Variants in ADIPOR2 observed in about 807,000 individuals in gnomAD.
ADIPOR2 encodes adiponectin receptor 2, also known as adiponectin receptor protein 2.
ADIPOR2 carries 18 observed loss-of-function variants against 40.9 expected under a neutral mutation model. The ratio of observed to expected loss-of-function variants is 0.44; its 90% confidence interval spans 0.30 to 0.65. The LOEUF (loss-of-function observed/expected upper bound fraction) is 0.65. Ranked by LOEUF, ADIPOR2 falls within the 30% of genes least tolerant of loss-of-function variation. The pLI, the probability that ADIPOR2 is intolerant of heterozygous loss-of-function variation, is 0.09. For synonymous variants in ADIPOR2, 165 were observed against 166.4 expected (o/e 0.99, Z 0.06); for missense variants, 283 against 479.2 (o/e 0.59, Z 3.82).
At chr12:1,785,068 C>G (rs181202176) in intron 7 of ADIPOR2, among the ~76,000 whole-genome samples, 1 of 152,202 alleles carries the variant, frequency 6.6e-6, no homozygotes, top group Admixed American at 6.5e-5. Context: ...AAATTAATCC[C>G]CTTTGGTTTC....
At chr12:1,713,225 C>T (rs1205371330) in intron 1 of ADIPOR2, among the ~76,000 whole-genome samples, 1 of 152,080 alleles carries the variant, frequency 6.6e-6, no homozygotes, top group Non-Finnish European at 1.5e-5. Flanking sequence ...AGGTCCAGAA[C>T]TGTGAACGAT....
At chr12:1,754,781 G>A (rs528442552) in intron 2 of ADIPOR2, among the ~76,000 whole-genome samples, 1 of 151,876 alleles carries the variant, frequency 6.6e-6, no homozygotes, top group African/African-American at 2.4e-5. Context: ...TCACCCAGGC[G>A]GAGTGCAGTA....
In ADIPOR2 at chr12:1,754,426, A is replaced by T; in HGVS notation, c.83A>T (p.Asp28Val). Residue 28 changes from aspartate to valine, a missense_variant, in exon 2 of 8, where the codon GAT becomes GTT. Physicochemically the swap from Asp to Val is radical, Grantham distance 152 (BLOSUM62 -3). Around this residue, in one of 3 missense-constraint regions of ADIPOR2, gnomAD observed 65 missense variants for 79.9 expected, o/e 0.81. Coordinates refer to ENST00000357103, the MANE Select transcript of ADIPOR2 (RefSeq NM_024551.3). ...AGGCTCAGAAAAGGGCACCAACTGG[A>T]TGGTACACGAAGAGGTGATAATGAC... is the stretch of plus-strand genomic sequence containing the variant. ...DIRLRKGHQL[D>V]GTRRGDNDSH... 3.1e-6 allele frequency: 5 copies of T among 1,613,734 alleles called. No homozygotes were observed. Among genetic ancestry groups the T allele is most frequent in the Admixed American group, 1.7e-5 (1 of 59,966 alleles).
chr12:1,766,683 A>G (rs1381112777), intron 2 of ADIPOR2, among the ~76,000 whole-genome samples: 1 of 152,182 alleles, frequency 6.6e-6, no homozygotes, highest in Non-Finnish European at 1.5e-5. Flanking sequence ...CTTTATTTTT[A>G]TGGCTCCCCT....
intron 1 of ADIPOR2, among the ~76,000 whole-genome samples, chr12:1,740,463 TTCTTACAAGGACATCAG>T (rs1379126850): frequency 1.3e-5 from 2 of 152,080 alleles, no homozygotes; most frequent in African/African-American, 4.8e-5. Flanking sequence ...CTGGTGTCTC[TTCTTACAAGGACATCAG>T]TCATAGTGGA....
At chr12:1,751,707 G>A (rs1592611204) in intron 1 of ADIPOR2, among the ~76,000 whole-genome samples, 1 of 150,680 alleles carries the variant, frequency 6.6e-6, no homozygotes, top group East Asian at 2.0e-4. Context: ...TTTTTGTAGA[G>A]GTGGGTCTCA....
intron 1 of ADIPOR2, among the ~76,000 whole-genome samples, chr12:1,725,299 G>C (rs1012501925): frequency 4.0e-5 from 6 of 150,538 alleles, no homozygotes; most frequent in African/African-American, 1.5e-4. Context: ...TTTTTGTATA[G>C]TAGAGACGGG....
intron 1 of ADIPOR2, among the ~76,000 whole-genome samples, chr12:1,752,412 T>G (rs1470592414): frequency 6.6e-6 from 1 of 152,004 alleles, no homozygotes; most frequent in Non-Finnish European, 1.5e-5. Context: ...TGTGGTGATA[T>G]TTCAAGAACA....
chr12:1,748,284 T>A (rs577427740), intron 1 of ADIPOR2, among the ~76,000 whole-genome samples: 153 of 152,320 alleles, frequency 1.0e-3, no homozygotes, highest in Non-Finnish European at 1.6e-3. Context: ...AGTCTCTCTC[T>A]GTCGCCCAGG....
intron 1 of ADIPOR2, among the ~76,000 whole-genome samples, chr12:1,737,996 G>A (rs1014672280): frequency 1.3e-5 from 2 of 152,062 alleles, no homozygotes; most frequent in African/African-American, 4.8e-5. Context: ...TACTAAGGCA[G>A]GGGTGGGAAT....
chr12:1,750,652 T>A (rs879000277), intron 1 of ADIPOR2, among the ~76,000 whole-genome samples: 1 of 152,186 alleles, frequency 6.6e-6, no homozygotes, highest in Non-Finnish European at 1.5e-5. Flanking sequence ...TTTTTTTTTG[T>A]AGATCCTCAG....
chr12:1,766,526 T>C (rs1862384907), intron 2 of ADIPOR2, among the ~76,000 whole-genome samples: 1 of 152,244 alleles, frequency 6.6e-6, no homozygotes. Context: ...GTGTACTGGT[T>C]GAAATGATTA....
At chr12:1,751,739 C>T (rs1016429961) in intron 1 of ADIPOR2, among the ~76,000 whole-genome samples, 1 of 151,188 alleles carries the variant, frequency 6.6e-6, no homozygotes, top group African/African-American at 2.4e-5. Context: ...AAGCTGGTTT[C>T]GAACTGCTGG....
chr12:1,704,597 G>T (rs546584242), intron 1 of ADIPOR2, among the ~76,000 whole-genome samples: 1 of 152,210 alleles, frequency 6.6e-6, no homozygotes, highest in South Asian at 2.1e-4. Flanking sequence ...AATGTATTTG[G>T]TCATCCAGCT....
intron 1 of ADIPOR2, among the ~76,000 whole-genome samples, chr12:1,751,935 T>C (rs1051820460): frequency 2.0e-5 from 3 of 151,724 alleles, no homozygotes; most frequent in Admixed American, 2.0e-4. Context: ...TTTTTTTTTT[T>C]TGAGATGGAG....
At chr12:1,782,364 A>G (rs1447256469) in intron 6 of ADIPOR2, among the ~76,000 whole-genome samples, 1 of 152,230 alleles carries the variant, frequency 6.6e-6, no homozygotes, top group Non-Finnish European at 1.5e-5. Flanking sequence ...TCTGTTGAGA[A>G]AGCTTACCAA....
chr12:1,773,717 G>T (rs1382101382), intron 3 of ADIPOR2, among the ~76,000 whole-genome samples: 1 of 152,036 alleles, frequency 6.6e-6, no homozygotes, highest in Non-Finnish European at 1.5e-5. Context: ...CATTTCTGGA[G>T]AACTCTTTAT....
intron 4 of ADIPOR2, 179 bp downstream of exon 4, chr12:1,778,204 G>T: frequency 1.5e-6 from 1 of 650,220 alleles, no homozygotes. Context: ...TTTGCACTAT[G>T]ATTTTGTTAT....
chr12:1,771,118 T>G (rs1592626506), intron 2 of ADIPOR2, among the ~76,000 whole-genome samples: 1 of 149,866 alleles, frequency 6.7e-6, no homozygotes, highest in African/African-American at 2.5e-5. Flanking sequence ...AGGCCAGGAG[T>G]TCAGGACCAG....
Sources: gnomAD v4.1 joint callset for allele counts (sites outside exome capture counted in the v4.1 genomes callset) on GRCh38, gnomAD v4.1.1 for gene constraint, gnomAD v4.1.1 regional missense constraint, MANE v1.5 for transcripts, NCBI Gene and HGNC (gene_info 2026-07-23, HGNC 2026-07-21) for gene names.